The following NOS1AP variants were observed in gnomAD, a reference collection of about 807,000 sequenced individuals.
The protein encoded by NOS1AP is nitric oxide synthase 1 adaptor protein, also known as carboxyl-terminal PDZ ligand of neuronal nitric oxide synthase protein.
In NOS1AP, 21 loss-of-function variants were observed where a neutral mutation model predicts 56.2. The observed-to-expected ratio is 0.37, with a 90% CI of 0.26 to 0.54. The LOEUF is 0.54. Ranked by LOEUF, NOS1AP falls within the 20% of genes least tolerant of loss-of-function variation. The probability of loss-of-function intolerance (pLI) is 0.84; values close to 1 mark genes in which losing one functional copy is unlikely to be tolerated. For missense variants in NOS1AP, 522 were observed against 657.8 expected (o/e 0.79, Z 2.26); for synonymous variants, 270 against 274.6 (o/e 0.98, Z 0.17).
chr1:162,290,508 T>C (rs193293839), intron 3 of NOS1AP, among the ~76,000 whole-genome samples: 2 of 152,336 alleles, frequency 1.3e-5, no homozygotes, highest in East Asian at 3.9e-4. Flanking sequence ...ATTGTGTAAA[T>C]GCACAATTTT....
chr1:162,322,728 G>A (rs1656461860), intron 4 of NOS1AP, among the ~76,000 whole-genome samples: 1 of 152,070 alleles, frequency 6.6e-6, no homozygotes, highest in Non-Finnish European at 1.5e-5. Context: ...TGAATTTGTT[G>A]GTGACCATAG....
At chr1:162,328,136 G>C (rs769453843) in intron 4 of NOS1AP, among the ~76,000 whole-genome samples, 2 of 152,204 alleles carry the variant, frequency 1.3e-5, no homozygotes, top group Non-Finnish European at 2.9e-5. Flanking sequence ...AGAGAAATAA[G>C]GGACTTGGAA....
chr1:162,344,505 G>A (rs749442420), intron 6 of NOS1AP, among the ~76,000 whole-genome samples: 1 of 151,898 alleles, frequency 6.6e-6, no homozygotes, highest in Non-Finnish European at 1.5e-5. Context: ...AGACTAGCCT[G>A]GCCAACATGG....
At chr1:162,364,677 A>G (rs765979602) in intron 8 of NOS1AP, 8 of 985,558 alleles carry the variant, frequency 8.1e-6, no homozygotes, top group Non-Finnish European at 9.6e-6. Flanking sequence ...CTCATGAATC[A>G]GTCAGCAAAT....
chr1:162,349,683 T>C (rs1657428372), intron 6 of NOS1AP, among the ~76,000 whole-genome samples: 1 of 152,234 alleles, frequency 6.6e-6, no homozygotes, highest in Admixed American at 6.5e-5. Flanking sequence ...ATGTTATAAG[T>C]ACCCACTGTT....
In NOS1AP at chr1:162,344,583, C is replaced by T. The variant is rs147929235; in HGVS notation, c.595+607C>T. ...AAAATTAGCCAGGCGTGGTGGTACA[C>T]GCCTATAGTCCCAGCTACTTGGAAG... On this transcript the variant is annotated intron_variant, in intron 6 of 9. Coordinates refer to ENST00000361897, the MANE Select transcript of NOS1AP (RefSeq NM_014697.3). Among the ~76,000 whole-genome samples, 720 of 152,086 alleles carry T rather than the reference C, an allele frequency of 4.7e-3. 9 individuals carry two copies. The highest frequency in any genetic ancestry group is 6.2e-3 in the Non-Finnish European group (422 of 67,992).
rs74125928 is a variant in NOS1AP at position 162,141,303 on chromosome 1, G to A, written c.106-13102G>A. On this transcript the variant is annotated intron_variant, in intron 1 of 9. Transcript: ENST00000361897. The stretch of plus-strand genomic sequence containing the variant: ...GAGCAGCTAGAAAGTGGTGCAGCTG[G>A]AATTGGAACCAATGAGACTTTTCAT... 6.3e-3 allele frequency among the ~76,000 whole-genome samples: 963 copies of A among 152,310 alleles called. 5 individuals are homozygous for A. Among genetic ancestry groups the A allele is most frequent in the African/African-American group, 0.022 (918 of 41,574 alleles).
chr1:162,164,941 A>G (rs1391836869), intron 2 of NOS1AP, among the ~76,000 whole-genome samples: 4 of 152,196 alleles, frequency 2.6e-5, no homozygotes, highest in African/African-American at 4.8e-5. Flanking sequence ...GTGAATTTTC[A>G]TATCCACTGT....
intron 1 of NOS1AP, among the ~76,000 whole-genome samples, chr1:162,123,446 A>G (rs1239745354): frequency 1.3e-5 from 2 of 152,224 alleles, no homozygotes; most frequent in African/African-American, 2.4e-5. Context: ...TGCTGGGATT[A>G]CAGGTGTGGG....
At chr1:162,190,857 C>G (rs940256930) in intron 2 of NOS1AP, among the ~76,000 whole-genome samples, 5 of 152,124 alleles carry the variant, frequency 3.3e-5, no homozygotes, top group African/African-American at 1.2e-4. Flanking sequence ...TGAGAACATG[C>G]AGTGTTTACC....
chr1:162,190,307 A>G (rs1386881643), intron 2 of NOS1AP, among the ~76,000 whole-genome samples: 3 of 152,060 alleles, frequency 2.0e-5, no homozygotes, highest in Non-Finnish European at 4.4e-5. Context: ...CCCTGCTTGA[A>G]TGGGCTCTTC....
intron 1 of NOS1AP, among the ~76,000 whole-genome samples, chr1:162,148,766 T>C (rs1649585942): frequency 6.6e-6 from 1 of 152,116 alleles, no homozygotes; most frequent in African/African-American, 2.4e-5. Context: ...TCATGGAGAA[T>C]GGTTTGCAGA....
intron 2 of NOS1AP, among the ~76,000 whole-genome samples, chr1:162,212,044 A>G (rs750895328): frequency 1.3e-5 from 2 of 152,234 alleles, no homozygotes; most frequent in Non-Finnish European, 2.9e-5. Context: ...AGTCGATGCT[A>G]TAGCTGGGGA....
intron 2 of NOS1AP, among the ~76,000 whole-genome samples, chr1:162,161,735 C>T (rs958090549): frequency 6.6e-5 from 10 of 152,144 alleles, no homozygotes; most frequent in African/African-American, 1.9e-4. Context: ...TGTGCCACCA[C>T]ACCTGGCTAA....
chr1:162,123,936 A>T (rs936600268), intron 1 of NOS1AP, among the ~76,000 whole-genome samples: 4 of 152,196 alleles, frequency 2.6e-5, no homozygotes, highest in Admixed American at 2.6e-4. Context: ...TTAAAAAAAT[A>T]ATATTGAGGC....
At chr1:162,115,273 A>C (rs751297386) in intron 1 of NOS1AP, among the ~76,000 whole-genome samples, 1 of 152,232 alleles carries the variant, frequency 6.6e-6, no homozygotes, top group Non-Finnish European at 1.5e-5. Flanking sequence ...GTAAGTGTAT[A>C]AGGGAAAATA....
intron 1 of NOS1AP, among the ~76,000 whole-genome samples, chr1:162,143,029 C>T (rs1485572237): frequency 6.6e-6 from 1 of 151,754 alleles, no homozygotes; most frequent in Non-Finnish European, 1.5e-5. Context: ...ACATTCCCAA[C>T]TCCAGGAAGG....
intron 1 of NOS1AP, among the ~76,000 whole-genome samples, chr1:162,100,108 T>C (rs1692348646): frequency 6.6e-6 from 1 of 152,366 alleles, no homozygotes; most frequent in Non-Finnish European, 1.5e-5. Context: ...TGCATGTGTC[T>C]TTATAGCAGC....
intron 2 of NOS1AP, among the ~76,000 whole-genome samples, chr1:162,160,045 A>G (rs766849069): frequency 9.2e-5 from 14 of 152,140 alleles, no homozygotes; most frequent in Non-Finnish European, 2.1e-4. Context: ...TGCAGTCGAA[A>G]CGTGGTGCAG....
Sources: gnomAD v4.1 joint callset for allele counts (sites outside exome capture counted in the v4.1 genomes callset) on GRCh38, gnomAD v4.1.1 for gene constraint, MANE v1.5 for transcripts, NCBI Gene and HGNC (gene_info 2026-07-23, HGNC 2026-07-21) for gene names.